MUC4: variants seen among roughly 807,000 people sequenced by gnomAD.
MUC4 encodes mucin 4, cell surface associated.
In MUC4, 202 loss-of-function variants were observed where a neutral mutation model predicts 257.9. That is an observed-to-expected ratio of 0.78 (90% confidence interval 0.70 to 0.88). The LOEUF is 0.88. MUC4 is among the 40% of genes least tolerant of loss of function. The pLI is 0.00. For synonymous variants in MUC4, 2,351 were observed against 2,757.1 expected (o/e 0.85, Z 4.62); for missense variants, 5,976 against 6,513.7 (o/e 0.92, Z 2.84).
At chr3:195,773,315 A>G (rs1578130007) in intron 4 of MUC4, among the ~76,000 whole-genome samples, 1 of 117,664 alleles carries the variant, frequency 8.5e-6, no homozygotes, top group Admixed American at 9.2e-5. Context: ...ACCTCTCTCT[A>G]TCGCTCAGCA....
At chr3:195,758,214 G>A (rs73205719) in intron 17 of MUC4, among the ~76,000 whole-genome samples, 11,326 of 152,204 alleles carry the variant, frequency 0.074, 531 homozygotes, top group Middle Eastern at 0.21. Flanking sequence ...CGAAAGCAGC[G>A]TCCCTTGTGC....
At chr3:195,754,081 A>C in intron 19 of MUC4, 132 bp downstream of exon 19, 1 of 1,261,646 alleles carries the variant, frequency 7.9e-7, no homozygotes, top group Non-Finnish European at 1.1e-6. Flanking sequence ...TAGATTTCCC[A>C]CACCTGCCTA....
At chr3:195,774,436 C>T in intron 3 of MUC4, 131 bp from the exon 4 acceptor site, 5 of 1,167,494 alleles carry the variant, frequency 4.3e-6, no homozygotes, top group Non-Finnish European at 5.7e-6. Context: ...CCAGAGGCAG[C>T]CATCTAGGGT....
intron 1 of MUC4, among the ~76,000 whole-genome samples, chr3:195,798,576 C>A (rs576138020): frequency 6.6e-6 from 1 of 151,194 alleles, no homozygotes; most frequent in Non-Finnish European, 1.5e-5. Flanking sequence ...TGGTGGCGGG[C>A]GCCTGTAGTC....
At chr3:195,752,304 G>T in intron 21 of MUC4, 69 bp downstream of exon 21, 1 of 1,371,542 alleles carries the variant, frequency 7.3e-7, no homozygotes, top group Non-Finnish European at 1.0e-6. Flanking sequence ...GCCGCACAGC[G>T]ATGGTTCCGC....
intron 8 of MUC4, 118 bp downstream of exon 8, chr3:195,766,545 G>C: frequency 1.2e-6 from 1 of 863,530 alleles, no homozygotes; most frequent in Non-Finnish European, 1.9e-6. Flanking sequence ...GTGTGGGGGA[G>C]GCCCTTCAGG....
intron 11 of MUC4, 149 bp downstream of exon 11, chr3:195,763,896 C>A: frequency 7.7e-7 from 1 of 1,298,158 alleles, no homozygotes; most frequent in Non-Finnish European, 1.0e-6. Context: ...AAAGCCCCTC[C>A]ACTGACCATC....
At chr3:195,753,542 A>C in intron 19 of MUC4, 1 of 466,666 alleles carries the variant, frequency 2.1e-6, no homozygotes, top group Non-Finnish European at 3.8e-6. Context: ...CTCCCCTCTC[A>C]CGTCCATCTC....
At chr3:195,748,256 G>C (rs1235223362) in intron 24 of MUC4, among the ~76,000 whole-genome samples, 3 of 152,280 alleles carry the variant, frequency 2.0e-5, no homozygotes, top group Non-Finnish European at 2.9e-5. Context: ...GCAGCAGCCA[G>C]ATCAGGTGGG....
chr3:195,805,416 G>A (rs1735860518), intron 1 of MUC4, among the ~76,000 whole-genome samples: 2 of 152,116 alleles, frequency 1.3e-5, no homozygotes, highest in African/African-American at 4.8e-5. Flanking sequence ...CCTCCTTCTC[G>A]GAGGTGCCAT....
intron 17 of MUC4, 26 bp downstream of exon 17, chr3:195,759,098 C>T (rs769077411): frequency 1.2e-6 from 2 of 1,612,192 alleles, no homozygotes; most frequent in South Asian, 1.1e-5. Context: ...CCTCCCCACT[C>T]TCCCCAGCCA....
At chr3:195,769,323 G>C (rs889296395) in intron 6 of MUC4, 171 bp from the exon 7 acceptor site, 1 of 971,882 alleles carries the variant, frequency 1.0e-6, no homozygotes. Context: ...GGGTCAGTGA[G>C]GGCAGCTTTC....
In MUC4 at chr3:195,810,998, G is replaced by A. The variant is rs891096006; in HGVS notation, c.82+738C>T. On this transcript the variant is annotated intron_variant, in intron 1 of 24. Transcript: ENST00000463781. The surrounding 1 kb of genome is among the most constrained non-coding windows in gnomAD (Gnocchi z 4.2). ...CTCACCATGGATCCTTCCAGACATCGCCGGGCTGCTCTCTGGCCCTCTGTT... is the reference window on the plus strand; with the variant it reads ...CTCACCATGGATCCTTCCAGACATCACCGGGCTGCTCTCTGGCCCTCTGTT... Among the ~76,000 whole-genome samples, 4 of 151,856 alleles carry A rather than the reference G, an allele frequency of 2.6e-5. No homozygotes were observed. Among genetic ancestry groups the A allele is most frequent in the Non-Finnish European group, 4.4e-5 (3 of 67,982 alleles).
chr3:195,800,034 T>C (rs144614720), intron 1 of MUC4, among the ~76,000 whole-genome samples: 1 of 152,032 alleles, frequency 6.6e-6, no homozygotes, highest in Non-Finnish European at 1.5e-5. Flanking sequence ...TCCCAGCACT[T>C]TGGGAGGTCG....
At chr3:195,749,979 C>T (rs1179488119) in intron 23 of MUC4, 4 of 152,242 alleles carry the variant, frequency 2.6e-5, no homozygotes, top group Non-Finnish European at 4.4e-5. Context: ...TGCCTCCCTG[C>T]GCCTCCTACC....
chr3:195,774,162 C>T lies in MUC4; in HGVS notation c.13077+10G>A. On this transcript the variant is annotated intron_variant, in intron 4 of 24. Coordinates refer to ENST00000463781, the MANE Select transcript of MUC4 (RefSeq NM_018406.7). ...GAGTTCAGGCTGCGCGGGCCGCAGC[C>T]CGGACTCACGTAGAGGGAATCACGG... The T allele has an allele frequency of 6.2e-7, 1 of 1,600,536 alleles. No homozygotes were observed. Among genetic ancestry groups the T allele is most frequent in the Non-Finnish European group, 8.5e-7 (1 of 1,174,610 alleles).
At chr3:195,760,130 A>G (rs1206295614) in intron 16 of MUC4, among the ~76,000 whole-genome samples, 1 of 152,216 alleles carries the variant, frequency 6.6e-6, no homozygotes, top group African/African-American at 2.4e-5. Flanking sequence ...GGTGGTGAGG[A>G]TACAGTCATG....
intron 1 of MUC4, among the ~76,000 whole-genome samples, chr3:195,802,593 G>C (rs906393151): frequency 3.9e-5 from 6 of 152,106 alleles, no homozygotes; most frequent in African/African-American, 1.4e-4. Context: ...CCGGGGGCGT[G>C]GGTCTAGTGG....
intron 7 of MUC4, 125 bp downstream of exon 7, chr3:195,768,897 T>C (rs889236463): frequency 7.1e-6 from 9 of 1,273,600 alleles, no homozygotes; most frequent in African/African-American, 3.0e-5. Context: ...GGAGTCAGCG[T>C]GAGTCAGAAG....
Sources: gnomAD v4.1 joint callset for allele counts (sites outside exome capture counted in the v4.1 genomes callset) on GRCh38, gnomAD v4.1.1 for gene constraint, Gnocchi (gnomAD v3.1) non-coding constraint, MANE v1.5 for transcripts, NCBI Gene and HGNC (gene_info 2026-07-23, HGNC 2026-07-21) for gene names.